The following TMEM132B variants were observed in gnomAD, a reference collection of about 807,000 sequenced individuals.
TMEM132B encodes transmembrane protein 132B.
TMEM132B carries 18 observed loss-of-function variants against 90.8 expected under a neutral mutation model. The ratio of observed to expected loss-of-function variants is 0.20; its 90% CI spans 0.14 to 0.29. The LOEUF (loss-of-function observed/expected upper bound fraction) is 0.29, where lower values mean the gene tolerates loss of function less well. Among genes scored for constraint, TMEM132B ranks in the 10% least tolerant of loss-of-function variants. The pLI, the probability that TMEM132B is intolerant of heterozygous loss-of-function variation, is 1.00. For missense variants in TMEM132B, 1,096 were observed against 1,326.8 expected, an observed-to-expected ratio of 0.83 and a Z score of 2.70; for synonymous variants, 504 against 523.3, an observed-to-expected ratio of 0.96 and a Z score of 0.50.
At chr12:125,399,458 A>T (rs1879249126) in intron 2 of TMEM132B, among the ~76,000 whole-genome samples, 1 of 132,608 alleles carries the variant, frequency 7.5e-6, no homozygotes. Flanking sequence ...TGAAGAAGGA[A>T]GTGTGTGTGT....
At chr12:125,463,304 C>T in intron 3 of TMEM132B, among the ~76,000 whole-genome samples, 1 of 152,162 alleles carries the variant, frequency 6.6e-6, no homozygotes, top group East Asian at 1.9e-4. Context: ...GCATTGTGGT[C>T]TGAATTGCTA....
chr12:125,318,318 CTTTT>C (rs530048970), intron 1 of TMEM132B, among the ~76,000 whole-genome samples: 4 of 125,750 alleles, frequency 3.2e-5, no homozygotes, highest in South Asian at 2.5e-4. Flanking sequence ...TTCTTTCTTT[CTTTT>C]TTTTTTTTCA....
chr12:125,581,575 A>G (rs933030996), intron 4 of TMEM132B, among the ~76,000 whole-genome samples: 3 of 152,174 alleles, frequency 2.0e-5, no homozygotes, highest in Non-Finnish European at 2.9e-5. Context: ...AGCGCCACCC[A>G]GTCCACATTC....
intron 3 of TMEM132B, among the ~76,000 whole-genome samples, chr12:125,502,029 C>T (rs552032245): frequency 1.3e-5 from 2 of 152,258 alleles, no homozygotes; most frequent in South Asian, 4.1e-4. Context: ...TATGCACGCA[C>T]GAATGCATGT....
At chr12:125,586,410 T>C (rs1441103967) in intron 5 of TMEM132B, 1 of 152,176 alleles carries the variant, frequency 6.6e-6, no homozygotes, top group South Asian at 2.1e-4. Flanking sequence ...AAGAGATAAA[T>C]GTAAAATTTC....
At chr12:125,577,837 C>A (rs1884972428) in intron 4 of TMEM132B, among the ~76,000 whole-genome samples, 1 of 151,850 alleles carries the variant, frequency 6.6e-6, no homozygotes, top group Non-Finnish European at 1.5e-5. Flanking sequence ...TTTCTGATTT[C>A]TCTTGTGATT....
intron 1 of TMEM132B, among the ~76,000 whole-genome samples, chr12:125,224,156 T>C (rs573345863): frequency 9.6e-4 from 147 of 152,358 alleles, no homozygotes; most frequent in African/African-American, 3.5e-3. Context: ...TTTCATTGTA[T>C]GGATATACCA....
chr12:125,201,499 A>G (rs906065081), intron 1 of TMEM132B, among the ~76,000 whole-genome samples: 3 of 152,222 alleles, frequency 2.0e-5, no homozygotes, highest in East Asian at 1.9e-4. Flanking sequence ...TGTCAGCTTT[A>G]TATCGCTCAC....
intron 2 of TMEM132B, among the ~76,000 whole-genome samples, chr12:125,368,197 CAG>C (rs774293553): frequency 1.7e-4 from 26 of 152,064 alleles, no homozygotes; most frequent in Non-Finnish European, 2.8e-4. Flanking sequence ...TTTAAGATGA[CAG>C]ATATTTTGTA....
At chr12:125,622,316 A>T in intron 5 of TMEM132B, 1 of 200,130 alleles carries the variant, frequency 5.0e-6, no homozygotes, top group Middle Eastern at 2.5e-3. Flanking sequence ...ACACTGGAAT[A>T]GTATGTTAGA....
At chr12:125,646,771 A>G (rs1886774768) in intron 6 of TMEM132B, among the ~76,000 whole-genome samples, 1 of 152,254 alleles carries the variant, frequency 6.6e-6, no homozygotes, top group Non-Finnish European at 1.5e-5. Context: ...TCCTGTCATA[A>G]TATACAGAAC....
intron 1 of TMEM132B, among the ~76,000 whole-genome samples, chr12:125,292,467 G>C (rs1477662280): frequency 6.6e-6 from 1 of 152,244 alleles, no homozygotes; most frequent in Non-Finnish European, 1.5e-5. Context: ...GTAAGGACTA[G>C]AAAGTGACTA....
intron 1 of TMEM132B, among the ~76,000 whole-genome samples, chr12:125,248,532 T>G (rs1490820773): frequency 2.6e-5 from 4 of 152,242 alleles, no homozygotes; most frequent in African/African-American, 7.2e-5. Flanking sequence ...ATAGAGTTTA[T>G]ATCGCTAGAT....
At chr12:125,389,350 C>T (rs1593118208) in intron 2 of TMEM132B, among the ~76,000 whole-genome samples, 1 of 144,680 alleles carries the variant, frequency 6.9e-6, no homozygotes, top group Non-Finnish European at 1.5e-5. Flanking sequence ...CCCCTCCCCT[C>T]AACTCCCCTC....
At chr12:125,635,250 C>A (rs1437139672) in intron 5 of TMEM132B, among the ~76,000 whole-genome samples, 1 of 152,128 alleles carries the variant, frequency 6.6e-6, no homozygotes, top group Non-Finnish European at 1.5e-5. Flanking sequence ...ACACATCAAC[C>A]CGTCATCTAC....
intron 3 of TMEM132B, among the ~76,000 whole-genome samples, chr12:125,488,945 G>A (rs937986359): frequency 1.3e-5 from 2 of 152,186 alleles, no homozygotes; most frequent in Non-Finnish European, 2.9e-5. Flanking sequence ...TGAAATTCTA[G>A]CCTATTTTAA....
chr12:125,333,377 T>C lies in TMEM132B; in HGVS notation c.68-16075T>C, dbSNP rs147327760. Among the ~76,000 whole-genome samples, 232 of 152,348 alleles carry C rather than the reference T, an allele frequency of 1.5e-3. 1 individual carries two copies. Among genetic ancestry groups the C allele is most frequent in the African/African-American group, 5.2e-3 (218 of 41,582 alleles). ...GTAAGGTGACATTTACAGGTAACCATGGGTTAGAACCTGGAAATATCTTTT... is the reference window on the plus strand; with the variant it reads ...GTAAGGTGACATTTACAGGTAACCACGGGTTAGAACCTGGAAATATCTTTT... On this transcript the variant is annotated intron_variant, in intron 1 of 8. Coordinates refer to ENST00000682704, the MANE Select transcript of TMEM132B (RefSeq NM_001366854.1).
At chr12:125,531,471 G>GAGCC (rs1253660520) in intron 4 of TMEM132B, among the ~76,000 whole-genome samples, 2 of 152,184 alleles carry the variant, frequency 1.3e-5, no homozygotes, top group Non-Finnish European at 2.9e-5. Flanking sequence ...TTACAGGAGC[G>GAGCC]AGCCACTGTG....
chr12:125,591,472 G>A (rs1044907491), intron 5 of TMEM132B, among the ~76,000 whole-genome samples: 11 of 151,990 alleles, frequency 7.2e-5, no homozygotes, highest in Non-Finnish European at 1.5e-4. Flanking sequence ...CTCTTACAAG[G>A]ACCCTTGTGA....
Sources: allele counts gnomAD v4.1 joint callset (sites outside exome capture counted in the v4.1 genomes callset), GRCh38; gene constraint gnomAD v4.1.1; transcripts MANE v1.5; gene names NCBI Gene and HGNC (gene_info 2026-07-23, HGNC 2026-07-21).